Variants in TENM4 observed in about 807,000 individuals in gnomAD.
TENM4 encodes the protein teneurin-4.
In TENM4, 82 loss-of-function variants were observed where a neutral mutation model predicts 243.3. The observed-to-expected ratio is 0.34, with a 90% CI of 0.28 to 0.40. The LOEUF (loss-of-function observed/expected upper bound fraction) is 0.40. Ranked by LOEUF, TENM4 falls within the 10% of genes least tolerant of loss-of-function variation. The pLI, the probability that TENM4 is intolerant of heterozygous loss-of-function variation, is 1.00. For synonymous variants in TENM4, 1,412 were observed against 1,456.3 expected, an observed-to-expected ratio of 0.97 and a Z score of 0.69; for missense variants, 3,138 against 3,673.3, an observed-to-expected ratio of 0.85 and a Z score of 3.77.
At chr11:79,404,627 A>AT (rs992227371) in intron 1 of TENM4, among the ~76,000 whole-genome samples, 9 of 151,988 alleles carry the variant, frequency 5.9e-5, no homozygotes, top group Admixed American at 5.9e-4. Context: ...ATTTTACCTC[A>AT]TTTTTTTTAG....
intron 1 of TENM4, among the ~76,000 whole-genome samples, chr11:79,433,950 T>C (rs1052934081): frequency 6.6e-6 from 1 of 152,098 alleles, no homozygotes; most frequent in African/African-American, 2.4e-5. Context: ...TGAGGTGACC[T>C]CTCTACCTGA....
chr11:78,999,590 C>T (rs1263399855), intron 6 of TENM4, among the ~76,000 whole-genome samples: 2 of 152,108 alleles, frequency 1.3e-5, no homozygotes, highest in South Asian at 2.1e-4. Context: ...TAACAACAAT[C>T]TTCATAAGTG....
At chr11:78,972,792 C>T (rs1232248459) in intron 6 of TENM4, among the ~76,000 whole-genome samples, 1 of 152,174 alleles carries the variant, frequency 6.6e-6, no homozygotes, top group Admixed American at 6.5e-5. Flanking sequence ...CATTTCATCA[C>T]CCTAAAGAGA....
At chr11:79,107,501 G>C (rs1290379520) in intron 4 of TENM4, among the ~76,000 whole-genome samples, 2 of 152,144 alleles carry the variant, frequency 1.3e-5, no homozygotes, top group Admixed American at 6.5e-5. Flanking sequence ...TCAAGACTCA[G>C]CTAGGATATC....
chr11:78,740,627 G>C (rs568639682), intron 19 of TENM4, among the ~76,000 whole-genome samples: 1 of 152,188 alleles, frequency 6.6e-6, no homozygotes, highest in Non-Finnish European at 1.5e-5. Context: ...ATTGAATTTC[G>C]TATTGCTGGA....
intron 12 of TENM4, among the ~76,000 whole-genome samples, chr11:78,842,718 G>A (rs1191896611): frequency 3.3e-5 from 5 of 152,242 alleles, no homozygotes; most frequent in Non-Finnish European, 5.9e-5. Context: ...TGAGAAATGT[G>A]TAGATATTAG....
chr11:78,903,136 A>G (rs1855968838), intron 7 of TENM4, 132 bp downstream of exon 7: 3 of 1,303,294 alleles, frequency 2.3e-6, no homozygotes. Context: ...GCATCCCTAA[A>G]CCGTGCACCC....
intron 1 of TENM4, among the ~76,000 whole-genome samples, chr11:79,375,117 C>G (rs1168859323): frequency 6.6e-6 from 1 of 152,160 alleles, no homozygotes; most frequent in African/African-American, 2.4e-5. Flanking sequence ...GATATCATGA[C>G]AGTTAATGAA....
At chr11:78,724,450 G>T (rs528374301) in intron 23 of TENM4, among the ~76,000 whole-genome samples, 1 of 152,276 alleles carries the variant, frequency 6.6e-6, no homozygotes, top group East Asian at 1.9e-4. Context: ...AGATGTTTAA[G>T]AAAACATCTG....
At chr11:78,824,354 G>T (rs1857803179) in intron 12 of TENM4, among the ~76,000 whole-genome samples, 1 of 152,136 alleles carries the variant, frequency 6.6e-6, no homozygotes, top group Non-Finnish European at 1.5e-5. Context: ...GCGAGTGGGG[G>T]TAGGTGCTAC....
At chr11:79,252,698 T>G (rs980079131) in intron 2 of TENM4, among the ~76,000 whole-genome samples, 1 of 152,048 alleles carries the variant, frequency 6.6e-6, no homozygotes, top group Non-Finnish European at 1.5e-5. Flanking sequence ...ACAGGTGGAG[T>G]GCATTTCCCT....
chr11:78,735,368 T>C lies in TENM4; in HGVS notation c.2877-2791A>G, dbSNP rs925246292. Among the ~76,000 whole-genome samples, 5 of 152,238 alleles carry C rather than the reference T, an allele frequency of 3.3e-5. No homozygotes were observed. In the East Asian group the frequency reaches 9.6e-4, roughly 29 times the overall value. ...AAGAACAATTTTTCTGTCACAGAAC[T>C]GAATAGCATCTGTGCCTTGATAGAA... is the stretch of plus-strand genomic sequence containing the variant. On this transcript the variant is annotated intron_variant, in intron 20 of 33. Transcript: ENST00000278550.
At chr11:79,182,442 G>A (rs1308716729) in intron 3 of TENM4, among the ~76,000 whole-genome samples, 1 of 151,972 alleles carries the variant, frequency 6.6e-6, no homozygotes, top group East Asian at 1.9e-4. Flanking sequence ...GAATTAACTC[G>A]AAATGTAAAA....
intron 12 of TENM4, among the ~76,000 whole-genome samples, chr11:78,816,518 T>A (rs563649401): frequency 6.6e-6 from 1 of 152,320 alleles, no homozygotes; most frequent in East Asian, 1.9e-4. Context: ...CAGCAAAGGA[T>A]CTATTTGTAG....
At chr11:79,328,624 G>A (rs543595574) in intron 1 of TENM4, among the ~76,000 whole-genome samples, 115 of 152,246 alleles carry the variant, frequency 7.6e-4, no homozygotes, top group African/African-American at 2.6e-3. Context: ...CGAGGGAGGC[G>A]GGGACACAGG....
intron 10 of TENM4, among the ~76,000 whole-genome samples, chr11:78,860,712 G>C (rs72941754): frequency 0.035 from 5,338 of 152,278 alleles, 96 homozygotes; most frequent in Middle Eastern, 0.11. Context: ...CTGGTTTCCA[G>C]TCTGACGTAT....
chr11:79,080,308 C>T (rs1860634697), intron 4 of TENM4, among the ~76,000 whole-genome samples: 1 of 152,198 alleles, frequency 6.6e-6, no homozygotes, highest in African/African-American at 2.4e-5. Flanking sequence ...CTCGAAGAGC[C>T]CACAGGAATG....
chr11:79,433,861 T>A (rs574046909), intron 1 of TENM4, among the ~76,000 whole-genome samples: 1 of 152,176 alleles, frequency 6.6e-6, no homozygotes, highest in Non-Finnish European at 1.5e-5. Context: ...CAAAGCAGCA[T>A]CTAAACCGTT....
chr11:79,189,297 C>A (rs1863435032), intron 3 of TENM4, among the ~76,000 whole-genome samples: 1 of 152,152 alleles, frequency 6.6e-6, no homozygotes, highest in African/African-American at 2.4e-5. Flanking sequence ...AATACAAGAT[C>A]CCTTCCCTTT....
Sources: allele counts gnomAD v4.1 joint callset (sites outside exome capture counted in the v4.1 genomes callset), GRCh38; gene constraint gnomAD v4.1.1; transcripts MANE v1.5; gene names NCBI Gene and HGNC (gene_info 2026-07-23, HGNC 2026-07-21).